MAGEE1: variants seen among roughly 807,000 people sequenced by gnomAD.
MAGEE1 encodes melanoma-associated antigen E1.
In MAGEE1, 3 loss-of-function variants were observed where a neutral mutation model predicts 12.0. The observed-to-expected ratio is 0.25, with a 90% CI of 0.11 to 0.65. The LOEUF (loss-of-function observed/expected upper bound fraction) is 0.65. Among genes scored for constraint, MAGEE1 ranks in the 30% least tolerant of loss-of-function variants. The pLI is 0.84. For synonymous variants in MAGEE1, 414 were observed against 326.1 expected, an observed-to-expected ratio of 1.27 and a Z score of -2.91; for missense variants, 729 against 772.2, an observed-to-expected ratio of 0.94 and a Z score of 0.66.
chrX:76,430,940 A>G lies in MAGEE1; in HGVS notation c.*136A>G. On this transcript the variant is annotated 3_prime_UTR_variant, in exon 1 of 1. Coordinates refer to ENST00000361470, the MANE Select transcript of MAGEE1 (RefSeq NM_020932.3). ...GTTATATTTATGTCTTTTCATATTT[A>G]GTTCTGGTGTGGTGTCTGGAAATGT... 2.1e-6 allele frequency: 1 copy of G among 480,477 alleles called. No homozygotes were observed. Among genetic ancestry groups the G allele is most frequent in the Non-Finnish European group, 3.4e-6 (1 of 291,716 alleles). 39.6% of individuals were successfully genotyped at this position (480,477 alleles called of 1,213,427 possible). A position where few individuals can be genotyped will look rare whatever the true frequency, so the allele number is the denominator to read the frequency against.
In MAGEE1 at chrX:76,428,692, G is replaced by C; in HGVS notation, c.762G>C (p.Glu254Asp). 1 of 1,209,343 alleles carries C rather than the reference G, an allele frequency of 8.3e-7. No homozygotes were observed. Among genetic ancestry groups the C allele is most frequent in the Non-Finnish European group, 1.1e-6 (1 of 894,343 alleles). Residue 254 changes from glutamate to aspartate, a missense_variant, in exon 1 of 1, where the codon GAG (glutamate) becomes GAC (aspartate). Around this residue, in one of 4 missense-constraint regions of MAGEE1, gnomAD observed 473 missense variants for 423.7 expected, o/e 1.12. Transcript: ENST00000361470. The stretch of plus-strand genomic sequence containing the variant: ...CCCCCGTGCCACCCACCCGTGATGA[G>C]GGACCGAGCACCTCCGTGCCGGCCA... The part of the protein sequence containing the change: ...LSTPVPPTRD[E>D]GPSTSVPATP...
Position 76,429,297 on chromosome X carries a change from C to G in MAGEE1, c.1367C>G (p.Pro456Arg). Residue 456 changes from proline to arginine, a missense_variant, in exon 1 of 1, where the codon CCT (proline) becomes CGT (arginine). Around this residue, in one of 4 missense-constraint regions of MAGEE1, gnomAD observed 473 missense variants for 423.7 expected, o/e 1.12. Transcript: ENST00000361470. ...DSEGPKGAEGPIEFEVLRDCE... is the reference protein window; with the variant it reads ...DSEGPKGAEGRIEFEVLRDCE... ...GAGGGTCCTAAGGGTGCAGAAGGCCCTATAGAATTCGAGGTCCTGAGAGAC... is the reference window on the plus strand; with the variant it reads ...GAGGGTCCTAAGGGTGCAGAAGGCCGTATAGAATTCGAGGTCCTGAGAGAC... 1 of 1,211,199 alleles carries G rather than the reference C, an allele frequency of 8.3e-7. No individual in the cohort carries two copies. Among genetic ancestry groups the G allele is most frequent in the Non-Finnish European group, 1.1e-6 (1 of 895,267 alleles).
At position 76,428,913 on chromosome X, in the gene MAGEE1, T is replaced by C. The variant is rs1285203573; in HGVS notation, c.983T>C (p.Leu328Pro). ...TSVPPTPGGG[L>P]STSVPPTATE... is the part of the protein sequence containing the mutation. The stretch of plus-strand genomic sequence containing the variant: ...GTGCCGCCCACCCCTGGTGGGGGAC[T>C]GAGCACCTCCGTGCCGCCCACCGCC... Residue 328 changes from leucine to proline, a missense_variant, in exon 1 of 1, where the codon CTG becomes CCG. By Grantham distance (98) the Leu-to-Pro change is moderately conservative. Transcript: ENST00000361470. 4 of 1,181,826 alleles carry C rather than the reference T, an allele frequency of 3.4e-6. No individual in the cohort carries two copies. The African/African-American group carries it at 5.9e-5, about 17-fold the overall frequency.
Position 76,429,433 on chromosome X carries a change from C to T in MAGEE1, c.1503C>T (p.Phe501=). 1 of 1,211,875 alleles carries T rather than the reference C, an allele frequency of 8.3e-7. No homozygotes were observed. Among genetic ancestry groups the T allele is most frequent in the Non-Finnish European group, 1.1e-6 (1 of 895,582 alleles). The change falls in exon 1 of 1, where the codon TTC becomes TTT. Residue 501 remains phenylalanine (F), a synonymous_variant. Coordinates refer to ENST00000361470, the MANE Select transcript of MAGEE1 (RefSeq NM_020932.3). The part of the protein sequence containing the change: ...MEQNVAELLQ[F]LLVKDQSKYP... ...AGAACGTAGCTGAGCTGTTGCAGTT[C>T]CTGCTGGTGAAGGATCAGAGCAAGT...
At position 76,427,892 on chromosome X, in the gene MAGEE1, G is replaced by A; in HGVS notation, c.-39G>A. The A allele has an allele frequency of 8.6e-7, 1 of 1,156,680 alleles. No homozygotes were observed. The highest frequency in any genetic ancestry group is 2.0e-5 in the South Asian group (1 of 49,235). On this transcript the variant is annotated 5_prime_UTR_variant, in exon 1 of 1. Coordinates refer to ENST00000361470, the MANE Select transcript of MAGEE1 (RefSeq NM_020932.3). The stretch of plus-strand genomic sequence containing the variant: ...CTCTCTGCCAGATCGCGGGCCTGTC[G>A]GTGTCTGCTCCTACACGCCAACGCC...
In MAGEE1 at chrX:76,430,981, A is replaced by G. The variant is rs1201511384; in HGVS notation, c.*177A>G. On this transcript the variant is annotated 3_prime_UTR_variant, in exon 1 of 1. Transcript: ENST00000361470. ...CTGGAAATGTTTCAACTGTTTTAATATATTGTCTGATTGGGTAAATGTGAT... is the reference window on the plus strand; with the variant it reads ...CTGGAAATGTTTCAACTGTTTTAATGTATTGTCTGATTGGGTAAATGTGAT... 8 of 414,530 alleles carry G rather than the reference A, an allele frequency of 1.9e-5. No homozygotes were observed. The highest frequency in any genetic ancestry group is 1.2e-4 in the East Asian group (3 of 25,640). 34.2% of individuals were successfully genotyped at this position (414,530 alleles called of 1,213,427 possible).
chrX:76,429,412 C>G lies in MAGEE1; in HGVS notation c.1482C>G (p.Asn494Lys). ...AGCCCCAAGACCCTATGGAACAGAACGTAGCTGAGCTGTTGCAGTTCCTGC... is the reference window on the plus strand; with the variant it reads ...AGCCCCAAGACCCTATGGAACAGAAGGTAGCTGAGCTGTTGCAGTTCCTGC... ...TLKPQDPMEQ[N>K]VAELLQFLLV... The change falls in exon 1 of 1, where the codon AAC (asparagine) becomes AAG (lysine). Residue 494 changes from asparagine (N) to lysine (K), a missense_variant. Asn to Lys is a moderately conservative substitution (Grantham distance 94). This residue lies in a region of MAGEE1 where 473 missense variants were observed against 423.7 expected (regional missense o/e 1.12). Transcript: ENST00000361470. The G allele has an allele frequency of 8.3e-7, 1 of 1,211,895 alleles. No individual in the cohort carries two copies. Among genetic ancestry groups the G allele is most frequent in the Non-Finnish European group, 1.1e-6 (1 of 895,580 alleles).
In MAGEE1 at chrX:76,428,922, C is replaced by T. The variant is rs1556839521; in HGVS notation, c.992C>T (p.Ser331Phe). 8.3e-7 allele frequency: 1 copy of T among 1,208,984 alleles called. No individual in the cohort carries two copies. The highest frequency in any genetic ancestry group is 1.1e-6 in the Non-Finnish European group (1 of 894,661). Residue 331 changes from serine (S) to phenylalanine (F), a missense_variant, in exon 1 of 1, where the codon TCC becomes TTC. Physicochemically the swap from Ser to Phe is radical, Grantham distance 155. This residue lies in a region of MAGEE1 where 473 missense variants were observed against 423.7 expected (regional missense o/e 1.12). Transcript: ENST00000361470. ...PPTPGGGLST[S>F]VPPTATEELS... is the part of the protein sequence containing the mutation. Reference sequence around the variant, plus strand: ...ACCCCTGGTGGGGGACTGAGCACCTCCGTGCCGCCCACCGCCACTGAGGAG... The same window carrying T: ...ACCCCTGGTGGGGGACTGAGCACCTTCGTGCCGCCCACCGCCACTGAGGAG...
chrX:76,430,711 G>A lies in MAGEE1; in HGVS notation c.2781G>A (p.Gln927=). The part of the protein sequence containing the change: ...YVARIHRKEP[Q]DWPQQYREAM... ...CCAGAATCCACAGAAAGGAACCACAGGACTGGCCACAGCAGTACAGGGAGG... is the reference window on the plus strand; with the variant it reads ...CCAGAATCCACAGAAAGGAACCACAAGACTGGCCACAGCAGTACAGGGAGG... The change falls in exon 1 of 1, where the codon CAG becomes CAA. Residue 927 remains glutamine (Q), a synonymous_variant. Coordinates refer to ENST00000361470, the MANE Select transcript of MAGEE1 (RefSeq NM_020932.3). The A allele has an allele frequency of 5.0e-6, 6 of 1,211,586 alleles. No homozygotes were observed. Among genetic ancestry groups the A allele is most frequent in the Non-Finnish European group, 5.6e-6 (5 of 895,438 alleles).
Position 76,428,788 on chromosome X carries a change from C to T in MAGEE1, c.858C>T (p.Pro286=). ...ACGGACAAAGCATCTCCTTGGTGCC[C>T]ACCCGCGGTAAGGGATCAAGCACCT... ...ASDGQSISLV[P]TRGKGSSTSV... The change falls in exon 1 of 1, where the codon CCC becomes CCT. Residue 286 remains proline, a synonymous_variant. Coordinates refer to ENST00000361470, the MANE Select transcript of MAGEE1 (RefSeq NM_020932.3). 4 of 1,207,883 alleles carry T rather than the reference C, an allele frequency of 3.3e-6. No homozygotes were observed. In the South Asian group the frequency reaches 5.3e-5, roughly 16 times the overall value.
At position 76,429,081 on chromosome X, in the gene MAGEE1, C is replaced by T. The variant is rs1191456594; in HGVS notation, c.1151C>T (p.Pro384Leu). Residue 384 changes from proline to leucine, a missense_variant, in exon 1 of 1, where the codon CCT becomes CTT. This residue lies in a region of MAGEE1 where 473 missense variants were observed against 423.7 expected (regional missense o/e 1.12). Coordinates refer to ENST00000361470, the MANE Select transcript of MAGEE1 (RefSeq NM_020932.3). ...DGSDTSVPPT[P>L]GEGASTLVQP... ...TCGGACACCTCCGTGCCGCCCACTCCTGGTGAGGGCGCAAGCACCTTAGTG... is the reference window on the plus strand; with the variant it reads ...TCGGACACCTCCGTGCCGCCCACTCTTGGTGAGGGCGCAAGCACCTTAGTG... 1.4e-5 allele frequency: 17 copies of T among 1,211,050 alleles called. No individual in the cohort carries two copies. Among genetic ancestry groups the T allele is most frequent in the Non-Finnish European group, 1.9e-5 (17 of 895,223 alleles).
At position 76,430,546 on chromosome X, in the gene MAGEE1, T is replaced by C. The variant is rs782410806; in HGVS notation, c.2616T>C (p.His872=). Residue 872 remains histidine (H), a synonymous_variant, in exon 1 of 1, where the codon CAT becomes CAC. Coordinates refer to ENST00000361470, the MANE Select transcript of MAGEE1 (RefSeq NM_020932.3). The stretch of plus-strand genomic sequence containing the variant: ...TAGGGGTTCAAGCTGGGAGAAAGCA[T>C]GTGATTACCTGCAGATACTTGAGTC... ...RGLGVQAGRK[H]VITCRYLSQR... is the part of the protein sequence containing the mutation. The C allele has an allele frequency of 2.8e-5, 34 of 1,208,675 alleles. No homozygotes were observed. Among genetic ancestry groups the C allele is most frequent in the Non-Finnish European group, 3.4e-5 (30 of 894,629 alleles).
rs1004099932 is a variant in MAGEE1, at chrX:76,429,266, G to T, written c.1336G>T (p.Asp446Tyr). The change falls in exon 1 of 1, where the codon GAT becomes TAT. Residue 446 changes from aspartate (D) to tyrosine (Y), a missense_variant. By Grantham distance (160) the Asp-to-Tyr change is radical. Transcript: ENST00000361470. ...GGTAACCAAGGCCTCCGTGGACTCAGATTCTGAGGGTCCTAAGGGTGCAGA... is the reference window on the plus strand; with the variant it reads ...GGTAACCAAGGCCTCCGTGGACTCATATTCTGAGGGTCCTAAGGGTGCAGA... ...PRVTKASVDSDSEGPKGAEGP... is the reference protein window; with the variant it reads ...PRVTKASVDSYSEGPKGAEGP... 2.5e-6 allele frequency: 3 copies of T among 1,210,113 alleles called. No individual in the cohort carries two copies. In the Admixed American group the frequency reaches 6.5e-5, roughly 26 times the overall value.
Position 76,428,877 on chromosome X carries a change from C to T in MAGEE1, c.947C>T (p.Ser316Leu), listed in dbSNP as rs1569336299. The T allele has an allele frequency of 8.3e-7, 1 of 1,208,845 alleles. No individual in the cohort carries two copies. Among genetic ancestry groups the T allele is most frequent in the South Asian group, 1.8e-5 (1 of 56,834 alleles). Residue 316 changes from serine (S) to leucine (L), a missense_variant, in exon 1 of 1, where the codon TCG becomes TTG. Physicochemically the swap from Ser to Leu is moderately radical, Grantham distance 145. Transcript: ENST00000361470. ...TSVQPTAGEG[S>L]STSVPPTPGG... is the part of the protein sequence containing the mutation. ...GTGCAGCCCACTGCTGGTGAGGGATCGAGCACCTCCGTGCCGCCCACCCCT... is the reference window on the plus strand; with the variant it reads ...GTGCAGCCCACTGCTGGTGAGGGATTGAGCACCTCCGTGCCGCCCACCCCT...
In MAGEE1 at chrX:76,431,025, G is replaced by C. The variant is rs1923373361; in HGVS notation, c.*221G>C. On this transcript the variant is annotated 3_prime_UTR_variant, in exon 1 of 1. Transcript: ENST00000361470. The stretch of plus-strand genomic sequence containing the variant: ...ATGTGATTGACCACTTGCTGTCTCT[G>C]TTGTATTTTGGTATGAGTTTTGATA... The C allele has an allele frequency of 2.8e-6, 1 of 363,079 alleles. No individual in the cohort carries two copies. The highest frequency in any genetic ancestry group is 4.9e-6 in the Non-Finnish European group (1 of 205,716). 29.9% of individuals were successfully genotyped at this position (363,079 alleles called of 1,213,427 possible). A position where few individuals can be genotyped will look rare whatever the true frequency, so the allele number is the denominator to read the frequency against.
chrX:76,430,042 G>A lies in MAGEE1; in HGVS notation c.2112G>A (p.Gln704=), dbSNP rs1556839837. The part of the protein sequence containing the change: ...DAARAFAEGW[Q]ALPHFRRPFF... ...CCAGAGCCTTTGCTGAGGGTTGGCAGGCTCTCCCTCACTTTAGGAGGCCCT... is the reference window on the plus strand; with the variant it reads ...CCAGAGCCTTTGCTGAGGGTTGGCAAGCTCTCCCTCACTTTAGGAGGCCCT... The change falls in exon 1 of 1, where the codon CAG becomes CAA. Residue 704 remains glutamine, a synonymous_variant. Coordinates refer to ENST00000361470, the MANE Select transcript of MAGEE1 (RefSeq NM_020932.3). The A allele has an allele frequency of 8.3e-7, 1 of 1,209,122 alleles. No individual in the cohort carries two copies.
In MAGEE1 at chrX:76,428,779, C is replaced by G. The variant is rs1923298029; in HGVS notation, c.849C>G (p.Ser283=). 8.3e-7 allele frequency: 1 copy of G among 1,209,226 alleles called. No individual in the cohort carries two copies. The highest frequency in any genetic ancestry group is 1.7e-5 in the African/African-American group (1 of 57,213). The change falls in exon 1 of 1, where the codon TCC becomes TCG. Residue 283 remains serine (S), a synonymous_variant. Coordinates refer to ENST00000361470, the MANE Select transcript of MAGEE1 (RefSeq NM_020932.3). Reference sequence around the variant, plus strand: ...CCGCCTCTGACGGACAAAGCATCTCCTTGGTGCCCACCCGCGGTAAGGGAT... The same window carrying G: ...CCGCCTCTGACGGACAAAGCATCTCGTTGGTGCCCACCCGCGGTAAGGGAT... ...LPAASDGQSI[S]LVPTRGKGSS...
In MAGEE1 at chrX:76,429,727, G is replaced by A; in HGVS notation, c.1797G>A (p.Lys599=). The A allele has an allele frequency of 8.3e-7, 1 of 1,211,513 alleles. No individual in the cohort carries two copies. Among genetic ancestry groups the A allele is most frequent in the Non-Finnish European group, 1.1e-6 (1 of 895,465 alleles). The change falls in exon 1 of 1, where the codon AAG becomes AAA. Residue 599 remains lysine (K), a synonymous_variant. Transcript: ENST00000361470. Reference sequence around the variant, plus strand: ...TATTCCTGAATGGCAACCAAGCCAAGGAGGCTGAGATTTGGGAAATGCTCT... The same window carrying A: ...TATTCCTGAATGGCAACCAAGCCAAAGAGGCTGAGATTTGGGAAATGCTCT... ...GQIFLNGNQA[K]EAEIWEMLWR...
chrX:76,428,903 G>T lies in MAGEE1; in HGVS notation c.973G>T (p.Gly325Cys). Residue 325 changes from glycine to cysteine, a missense_variant, in exon 1 of 1, where the codon GGT becomes TGT. Transcript: ENST00000361470. ...GSSTSVPPTP[G>C]GGLSTSVPPT... The stretch of plus-strand genomic sequence containing the variant: ...GAGCACCTCCGTGCCGCCCACCCCT[G>T]GTGGGGGACTGAGCACCTCCGTGCC... 1 of 1,207,714 alleles carries T rather than the reference G, an allele frequency of 8.3e-7. No homozygotes were observed. The highest frequency in any genetic ancestry group is 1.1e-6 in the Non-Finnish European group (1 of 894,001).
Sources: gnomAD v4.1 joint callset for allele counts on GRCh38, gnomAD v4.1.1 for gene constraint, gnomAD v4.1.1 regional missense constraint, MANE v1.5 for transcripts, NCBI Gene and HGNC (gene_info 2026-07-23, HGNC 2026-07-21) for gene names.